CYP4X1: variants seen among roughly 807,000 people sequenced by gnomAD.
CYP4X1 encodes cytochrome P450 4X1.
In CYP4X1, 44 loss-of-function variants were observed where a neutral mutation model predicts 57.9. That is an observed-to-expected ratio of 0.76 (90% confidence interval 0.60 to 0.98). The LOEUF (loss-of-function observed/expected upper bound fraction) is 0.98, where lower values mean the gene tolerates loss of function less well. Among genes scored for constraint, CYP4X1 ranks in the 50% least tolerant of loss-of-function variants. CYP4X1 has a pLI of 0.00. For missense variants in CYP4X1, 532 were observed against 623.9 expected (o/e 0.85, Z 1.57); for synonymous variants, 227 against 228.6 (o/e 0.99, Z 0.06).
chr1:46,998,467 A>T, the CYP4X1 span, among the ~76,000 whole-genome samples: 5 of 152,142 alleles, frequency 3.3e-5, no homozygotes, highest in Non-Finnish European at 7.3e-5. Context: ...TTTCCTATAG[A>T]TTCTAAAAAT....
At chr1:47,009,885 C>A in the CYP4X1 span, among the ~76,000 whole-genome samples, 3 of 152,116 alleles carry the variant, frequency 2.0e-5, no homozygotes, top group African/African-American at 7.2e-5. Flanking sequence ...TCTGAATAGA[C>A]CAATAACAGG....
chr1:46,972,803 T>C, the CYP4X1 span, among the ~76,000 whole-genome samples: 1 of 152,152 alleles, frequency 6.6e-6, no homozygotes, highest in South Asian at 2.1e-4. Context: ...GAAACTTTGC[T>C]GAAGTTTCTG....
At chr1:47,031,400 AATG>A (rs1557603360) in intron 2 of CYP4X1, 33 bp from the exon 3 acceptor site, 1 of 1,611,632 alleles carries the variant, frequency 6.2e-7, no homozygotes, top group Admixed American at 1.7e-5. Flanking sequence ...TGCTCCCTCT[AATG>A]ATGTCTTTTG....
chr1:47,007,035 T>G, the CYP4X1 span, among the ~76,000 whole-genome samples: 2 of 152,156 alleles, frequency 1.3e-5, no homozygotes, highest in Non-Finnish European at 2.9e-5. Flanking sequence ...AGCAGAAACC[T>G]CTGCAGACTT....
the CYP4X1 span, among the ~76,000 whole-genome samples, chr1:46,990,563 G>A: frequency 6.6e-6 from 1 of 152,158 alleles, no homozygotes; most frequent in Non-Finnish European, 1.5e-5. Context: ...TATACCCAAA[G>A]GATTATAAAT....
At chr1:46,965,847 C>T in the CYP4X1 span, among the ~76,000 whole-genome samples, 1 of 152,244 alleles carries the variant, frequency 6.6e-6, no homozygotes, top group South Asian at 2.1e-4. Flanking sequence ...CCACGCCTCC[C>T]CTCAGGAGCT....
chr1:47,014,792 CTGGG>C, the CYP4X1 span, among the ~76,000 whole-genome samples: 2 of 152,100 alleles, frequency 1.3e-5, no homozygotes, highest in African/African-American at 4.8e-5. Context: ...ATTTTAAAAA[CTGGG>C]TGGAGAAGTA....
In CYP4X1 at chr1:47,035,923, C is replaced by T; in HGVS notation, c.610C>T (p.Gln204Ter). 6.2e-7 allele frequency: 1 copy of T among 1,613,610 alleles called. No individual in the cohort carries two copies. ...KCAFSKETNC[Q>*]TNSTHDPYAK... ...CGCTTTCAGCAAGGAGACCAACTGC[C>T]AGACAAACAGGTCAGTGGTGGGAGA... Residue 204 changes from glutamine to a stop codon, truncating the protein, a stop_gained, in exon 5 of 12, where the codon CAG (glutamine) becomes TAG (stop). Transcript: ENST00000371901. LOFTEE classifies it high-confidence loss of function.
At chr1:47,042,175 A>G (rs1372292887) in intron 8 of CYP4X1, among the ~76,000 whole-genome samples, 1 of 151,988 alleles carries the variant, frequency 6.6e-6, no homozygotes, top group Non-Finnish European at 1.5e-5. Context: ...TTTGGTGACT[A>G]GAGCTCTGTA....
chr1:47,030,183 A>G (rs1370538990), intron 2 of CYP4X1, 52 bp downstream of exon 2: 2 of 1,559,356 alleles, frequency 1.3e-6, no homozygotes, highest in Non-Finnish European at 1.7e-6. Flanking sequence ...AGTGAAATGC[A>G]TAAAACCCAT....
intron 1 of CYP4X1, 89 bp downstream of exon 1, chr1:47,024,083 C>T: frequency 6.8e-7 from 1 of 1,470,060 alleles, no homozygotes. Flanking sequence ...ACGCAGCTTT[C>T]TTCCATCCCT....
chr1:47,022,283 C>CTT (rs11352280), upstream of CYP4X1, among the ~76,000 whole-genome samples: 63 of 77,338 alleles, frequency 8.1e-4, no homozygotes, highest in African/African-American at 1.2e-3. Context: ...TGGGGCCTGT[C>CTT]TTTTTTTTTT....
At chr1:47,011,231 C>T in the CYP4X1 span, among the ~76,000 whole-genome samples, 4 of 152,106 alleles carry the variant, frequency 2.6e-5, no homozygotes, top group South Asian at 2.1e-4. Flanking sequence ...TGGAACAGAA[C>T]AGAGCCCTCA....
upstream of CYP4X1, among the ~76,000 whole-genome samples, chr1:47,022,154 G>A (rs1303046484): frequency 1.3e-5 from 2 of 152,130 alleles, no homozygotes; most frequent in African/African-American, 2.4e-5. Context: ...GTTGAAGGTT[G>A]GAGTTAGGTA....
rs1644351186 is a variant in CYP4X1, at chr1:47,050,387, C to T, written c.*213C>T. ...ACTTTGGGAGATTTTCAGATCTTTT[C>T]TGTTAAACTTTCACTACTATTAATG... On this transcript the variant is annotated 3_prime_UTR_variant, in exon 12 of 12. Transcript: ENST00000371901. 1 of 508,370 alleles carries T rather than the reference C, an allele frequency of 2.0e-6. No individual in the cohort carries two copies. Among genetic ancestry groups the T allele is most frequent in the Non-Finnish European group, 3.5e-6 (1 of 285,352 alleles). 31.5% of individuals were successfully genotyped at this position (508,370 alleles called of 1,614,324 possible).
the CYP4X1 span, among the ~76,000 whole-genome samples, chr1:46,962,108 G>T: frequency 6.6e-6 from 1 of 151,988 alleles, no homozygotes; most frequent in South Asian, 2.1e-4. Context: ...TCTTTTTTCT[G>T]TCTTTCTTTC....
At chr1:47,022,222 G>C (rs997006206), upstream of CYP4X1, among the ~76,000 whole-genome samples, 1 of 151,438 alleles carries the variant, frequency 6.6e-6, no homozygotes, top group Admixed American at 6.6e-5. Context: ...GTGGCTTAAT[G>C]GAACATGCAA....
chr1:46,970,871 C>T, the CYP4X1 span, among the ~76,000 whole-genome samples: 27 of 152,298 alleles, frequency 1.8e-4, no homozygotes, highest in Non-Finnish European at 4.4e-5. Flanking sequence ...AGGCACAACT[C>T]AGAGAGGTGG....
chr1:47,036,369 T>TA (rs35322032), intron 6 of CYP4X1, among the ~76,000 whole-genome samples, 198 bp downstream of exon 6: 11,526 of 139,774 alleles, frequency 0.082, 663 homozygotes, highest in East Asian at 0.24. Context: ...TATCAGAATT[T>TA]TTATATATAT....
Sources: gnomAD v4.1 joint callset for allele counts (sites outside exome capture counted in the v4.1 genomes callset) on GRCh38, gnomAD v4.1.1 for gene constraint, MANE v1.5 for transcripts, NCBI Gene and HGNC (gene_info 2026-07-23, HGNC 2026-07-21) for gene names.